SLITRK1: variants seen among roughly 807,000 people sequenced by gnomAD.
SLITRK1 encodes the protein SLIT and NTRK-like protein 1.
In SLITRK1, 10 loss-of-function variants were observed where a neutral mutation model predicts 42.4. The ratio of observed to expected loss-of-function variants is 0.24; its 90% CI spans 0.15 to 0.40. The LOEUF (loss-of-function observed/expected upper bound fraction) is 0.40, where lower values mean the gene tolerates loss of function less well. SLITRK1 is among the 10% of genes least tolerant of loss of function. SLITRK1 has a pLI of 1.00. For missense variants in SLITRK1, 778 were observed against 848.8 expected, an observed-to-expected ratio of 0.92 and a Z score of 1.04; for synonymous variants, 389 against 365.7, an observed-to-expected ratio of 1.06 and a Z score of -0.73.
chr13:83,879,773 G>C lies in SLITRK1; in HGVS notation c.1735C>G (p.Pro579Ala). ...FMLLSNDEICPQLYARISPTL... is the reference protein window; with the variant it reads ...FMLLSNDEICAQLYARISPTL... ...GGCGAGATCCTAGCGTACAGCTGAG[G>C]GCAGATCTCGTCATTGGAGAGGAGC... is the stretch of plus-strand genomic sequence containing the variant. The change falls in exon 2 of 2, where the codon CCT becomes GCT. Residue 579 changes from proline (P) to alanine (A), a missense_variant. Coordinates refer to ENST00000674365, the MANE Select transcript of SLITRK1 (RefSeq NM_001281503.2). 6.2e-7 allele frequency: 1 copy of C among 1,613,990 alleles called. No homozygotes were observed. The highest frequency in any genetic ancestry group is 1.1e-5 in the South Asian group (1 of 91,048).
rs745949755 is a variant in SLITRK1 at position 83,880,426 on chromosome 13, T to C, written c.1082A>G (p.Asn361Ser). Residue 361 changes from asparagine to serine, a missense_variant, in exon 2 of 2, where the codon AAC (asparagine) becomes AGC (serine). By Grantham distance (46) the Asn-to-Ser change is conservative. Around this residue, in one of 4 missense-constraint regions of SLITRK1, gnomAD observed 395 missense variants for 360.4 expected, o/e 1.10. Coordinates refer to ENST00000674365, the MANE Select transcript of SLITRK1 (RefSeq NM_001281503.2). Reference protein sequence around the residue: ...PGSGLKMNCNNRNVSSLADLK... With the variant: ...PGSGLKMNCNSRNVSSLADLK... ...ATCAGCCAAGCTGCTCACGTTCCTGTTGTTGCAGTTCATCTTTAAACCCGA... is the reference window on the plus strand; with the variant it reads ...ATCAGCCAAGCTGCTCACGTTCCTGCTGTTGCAGTTCATCTTTAAACCCGA... The C allele has an allele frequency of 1.2e-6, 2 of 1,613,946 alleles. No individual in the cohort carries two copies. Among genetic ancestry groups the C allele is most frequent in the South Asian group, 2.2e-5 (2 of 91,074 alleles).
rs965212796 is a variant in SLITRK1, at chr13:83,877,570, A to C, written c.*1847T>G. On this transcript the variant is annotated 3_prime_UTR_variant, in exon 2 of 2. Transcript: ENST00000674365. ...TCGAACAGTTGAAGCTGTTTTTGTT[A>C]ATTGCTGGGCCACAACCAGAAATCC... 1 of 152,102 alleles carries C rather than the reference A, an allele frequency of 6.6e-6. No homozygotes were observed. Among genetic ancestry groups the C allele is most frequent in the African/African-American group, 2.4e-5 (1 of 41,418 alleles). The allele number at this position is 152,102 out of a possible 1,614,324, so 9.4% of individuals were successfully genotyped here.
chr13:83,880,232 T>G lies in SLITRK1; in HGVS notation c.1276A>C (p.Arg426=), dbSNP rs200160380. The G allele has an allele frequency of 1.2e-6, 2 of 1,614,120 alleles. No homozygotes were observed. ...NNTFKNLLDL[R]WLYMDSNYLD... Reference sequence around the variant, plus strand: ...TAATTGCTATCCATGTATAGCCACCTGAGGTCCAAAAGGTTCTTGAAAGTG... The same window carrying G: ...TAATTGCTATCCATGTATAGCCACCGGAGGTCCAAAAGGTTCTTGAAAGTG... Residue 426 remains arginine (R), a synonymous_variant, in exon 2 of 2, where the codon AGG becomes CGG. Coordinates refer to ENST00000674365, the MANE Select transcript of SLITRK1 (RefSeq NM_001281503.2).
In SLITRK1 at chr13:83,880,921, T is replaced by G. The variant is rs780950990; in HGVS notation, c.587A>C (p.Glu196Ala). ...AATACCAGGGATTTGCTCCAAGACC[T>G]CCTCATAGGGCAGCGTTTTCAGCCT... is the stretch of plus-strand genomic sequence containing the variant. ...GNRLKTLPYE[E>A]VLEQIPGIAE... The change falls in exon 2 of 2, where the codon GAG becomes GCG. Residue 196 changes from glutamate (E) to alanine (A), a missense_variant. By Grantham distance (107) the Glu-to-Ala change is moderately radical (BLOSUM62 -1). Transcript: ENST00000674365. The G allele has an allele frequency of 1.2e-6, 2 of 1,613,988 alleles. No individual in the cohort carries two copies. The highest frequency in any genetic ancestry group is 1.7e-6 in the Non-Finnish European group (2 of 1,179,986).
chr13:83,879,853 A>G lies in SLITRK1; in HGVS notation c.1655T>C (p.Leu552Pro). Residue 552 changes from leucine to proline, a missense_variant, in exon 2 of 2, where the codon CTG (leucine) becomes CCG (proline). This residue lies in a region of SLITRK1 where 15 missense variants were observed against 35.0 expected (regional missense o/e 0.43). Coordinates refer to ENST00000674365, the MANE Select transcript of SLITRK1 (RefSeq NM_001281503.2). ...CGTCTCACACTTGAGGTCGCTCATC[A>G]GCACTTCGGAACCCAAGCGTTCTGC... Reference protein sequence around the residue: ...QWAERLGSEVLMSDLKCETPV... With the variant: ...QWAERLGSEVPMSDLKCETPV... 1.2e-6 allele frequency: 2 copies of G among 1,614,162 alleles called. No individual in the cohort carries two copies. The highest frequency in any genetic ancestry group is 8.5e-7 in the Non-Finnish European group (1 of 1,180,044).
rs571797997 is a variant in SLITRK1, at chr13:83,882,098, C to T, written c.-148G>A. 179 of 167,694 alleles carry T rather than the reference C, an allele frequency of 1.1e-3. No homozygotes were observed. Among genetic ancestry groups the T allele is most frequent in the Admixed American group, 5.4e-3 (82 of 15,278 alleles). The allele number at this position is 167,694 out of a possible 1,614,324, so 10.4% of individuals were successfully genotyped here. A position where few individuals can be genotyped will look rare whatever the true frequency, so the allele number is the denominator to read the frequency against. ...TGTGGTTGCGGGTTGCCCAGAAGTC[C>T]CCCCGAGGTGCTGTCCAGTTCCCCC... On this transcript the variant is annotated 5_prime_UTR_variant, in exon 1 of 2. Coordinates refer to ENST00000674365, the MANE Select transcript of SLITRK1 (RefSeq NM_001281503.2).
chr13:83,878,728 C>A lies in SLITRK1; in HGVS notation c.*689G>T, dbSNP rs191284403. 6.6e-6 allele frequency: 1 copy of A among 152,588 alleles called. No individual in the cohort carries two copies. Among genetic ancestry groups the A allele is most frequent in the Non-Finnish European group, 1.5e-5 (1 of 68,186 alleles). The allele number at this position is 152,588 out of a possible 1,614,324, so 9.5% of individuals were successfully genotyped here. On this transcript the variant is annotated 3_prime_UTR_variant, in exon 2 of 2. Transcript: ENST00000674365. ...TTAACTTATGCTCTGAACTGCCTACCGATCACAAATAATGGCGAAATGGCA... is the reference window on the plus strand; with the variant it reads ...TTAACTTATGCTCTGAACTGCCTACAGATCACAAATAATGGCGAAATGGCA...
rs1285874822 is a variant in SLITRK1 at position 83,880,296 on chromosome 13, C to T, written c.1212G>A (p.Leu404=). Reference sequence around the variant, plus strand: ...TAGCGATGTTATTGTTGCCCAGATCCAACAGAATGAGGTTCTTGTAATCCA... The same window carrying T: ...TAGCGATGTTATTGTTGCCCAGATCTAACAGAATGAGGTTCTTGTAATCCA... ...HFVDYKNLIL[L]DLGNNNIATV... is the part of the protein sequence containing the mutation. The change falls in exon 2 of 2, where the codon TTG becomes TTA. Residue 404 remains leucine, a synonymous_variant. Transcript: ENST00000674365. The T allele has an allele frequency of 6.2e-7, 1 of 1,613,910 alleles. No homozygotes were observed. Among genetic ancestry groups the T allele is most frequent in the Non-Finnish European group, 8.5e-7 (1 of 1,180,010 alleles).
rs1190246957 is a variant in SLITRK1 at position 83,880,163 on chromosome 13, G to C, written c.1345C>G (p.Leu449Val). ...TTGTACTCCACGTTCAGGTACTCTA[G>C]GTTTTGCAGCCCCGCGAATTTCTCC... is the stretch of plus-strand genomic sequence containing the variant. ...SREKFAGLQN[L>V]EYLNVEYNAI... Residue 449 changes from leucine to valine, a missense_variant, in exon 2 of 2, where the codon CTA (leucine) becomes GTA (valine). Leu to Val is a conservative substitution (Grantham distance 32, BLOSUM62 1). Transcript: ENST00000674365. The C allele has an allele frequency of 1.2e-6, 2 of 1,613,876 alleles. No homozygotes were observed. The highest frequency in any genetic ancestry group is 1.3e-5 in the African/African-American group (1 of 74,868).
Position 83,878,010 on chromosome 13 carries a change from G to C in SLITRK1, c.*1407C>G, listed in dbSNP as rs981959689. On this transcript the variant is annotated 3_prime_UTR_variant, in exon 2 of 2. Coordinates refer to ENST00000674365, the MANE Select transcript of SLITRK1 (RefSeq NM_001281503.2). ...TGAGTGTTGGGGCAAGACCTTTATG[G>C]ACTGGGGAAAGCCGGTAAAGTCTGA... 3 of 143,362 alleles carry C rather than the reference G, an allele frequency of 2.1e-5. No homozygotes were observed. In the South Asian group the frequency reaches 7.3e-4, roughly 35 times the overall value. 8.9% of individuals were successfully genotyped at this position (143,362 alleles called of 1,614,324 possible).
rs1167269111 is a variant in SLITRK1, at chr13:83,879,997, T to A, written c.1511A>T (p.Asn504Ile). Reference sequence around the variant, plus strand: ...TGCCACCGGGAGGTACATGAAGTAATTGTTGTGCAGGCTGAGTTTAGAGAG... The same window carrying A: ...TGCCACCGGGAGGTACATGAAGTAAATGTTGTGCAGGCTGAGTTTAGAGAG... Reference protein sequence around the residue: ...VSLSKLSLHNNYFMYLPVAGV... With the variant: ...VSLSKLSLHNIYFMYLPVAGV... The change falls in exon 2 of 2, where the codon AAT becomes ATT. Residue 504 changes from asparagine to isoleucine, a missense_variant. Asn to Ile is a moderately radical substitution (Grantham distance 149). Coordinates refer to ENST00000674365, the MANE Select transcript of SLITRK1 (RefSeq NM_001281503.2). 6.2e-7 allele frequency: 1 copy of A among 1,613,732 alleles called. No individual in the cohort carries two copies. The highest frequency in any genetic ancestry group is 1.3e-5 in the African/African-American group (1 of 74,808).
Position 83,881,232 on chromosome 13 carries a change from A to T in SLITRK1, c.276T>A (p.Asn92Lys), listed in dbSNP as rs756553371. The T allele has an allele frequency of 6.2e-7, 1 of 1,614,146 alleles. No homozygotes were observed. The change falls in exon 2 of 2, where the codon AAT becomes AAA. Residue 92 changes from asparagine to lysine, a missense_variant. Coordinates refer to ENST00000674365, the MANE Select transcript of SLITRK1 (RefSeq NM_001281503.2). ...CCCCCGGAACGATTTCATGCAAGCC[A>T]TTGTTTTCCATGTGCAAACTAACCG... ...YNAVSLHMENNGLHEIVPGAF... is the reference protein window; with the variant it reads ...YNAVSLHMENKGLHEIVPGAF...
chr13:83,880,407 C>T lies in SLITRK1; in HGVS notation c.1101G>A (p.Leu367=). ...MNCNNRNVSS[L]ADLKPKLSNV... ...TAGAGAGCTTGGGCTTCAAATCAGC[C>T]AAGCTGCTCACGTTCCTGTTGTTGC... The change falls in exon 2 of 2, where the codon TTG becomes TTA. Residue 367 remains leucine (L), a synonymous_variant. Coordinates refer to ENST00000674365, the MANE Select transcript of SLITRK1 (RefSeq NM_001281503.2). 2 of 1,613,902 alleles carry T rather than the reference C, an allele frequency of 1.2e-6. No homozygotes were observed. Among genetic ancestry groups the T allele is most frequent in the Non-Finnish European group, 1.7e-6 (2 of 1,180,016 alleles).
At position 83,880,329 on chromosome 13, in the gene SLITRK1, C is replaced by T; in HGVS notation, c.1179G>A (p.Ser393=). 6.2e-7 allele frequency: 1 copy of T among 1,613,864 alleles called. No individual in the cohort carries two copies. Among genetic ancestry groups the T allele is most frequent in the Non-Finnish European group, 8.5e-7 (1 of 1,180,002 alleles). ...RDNKIHSIRK[S]HFVDYKNLIL... is the part of the protein sequence containing the mutation. ...TGAGGTTCTTGTAATCCACAAAGTG[C>T]GATTTTCGGATGCTGTGGATCTTGT... The change falls in exon 2 of 2, where the codon TCG becomes TCA. Residue 393 remains serine, a synonymous_variant. Coordinates refer to ENST00000674365, the MANE Select transcript of SLITRK1 (RefSeq NM_001281503.2).
rs1884783976 is a variant in SLITRK1 at position 83,880,326 on chromosome 13, G to A, written c.1182C>T (p.His394=). The A allele has an allele frequency of 6.2e-7, 1 of 1,613,998 alleles. No homozygotes were observed. Among genetic ancestry groups the A allele is most frequent in the East Asian group, 2.2e-5 (1 of 44,860 alleles). The change falls in exon 2 of 2, where the codon CAC becomes CAT. Residue 394 remains histidine (H), a synonymous_variant. Coordinates refer to ENST00000674365, the MANE Select transcript of SLITRK1 (RefSeq NM_001281503.2). ...DNKIHSIRKS[H]FVDYKNLILL... The stretch of plus-strand genomic sequence containing the variant: ...GAATGAGGTTCTTGTAATCCACAAA[G>A]TGCGATTTTCGGATGCTGTGGATCT...
chr13:83,881,711 A>C, intron 1 of SLITRK1, 151 bp from the exon 2 acceptor site: 1 of 492,258 alleles, frequency 2.0e-6, no homozygotes, highest in Non-Finnish European at 3.7e-6. Context: ...CAATAATTAT[A>C]TCCACAAACT....
Position 83,879,959 on chromosome 13 carries a change from G to T in SLITRK1, c.1549C>A (p.Gln517Lys), listed in dbSNP as rs774671182. 1.2e-6 allele frequency: 2 copies of T among 1,614,060 alleles called. No individual in the cohort carries two copies. The highest frequency in any genetic ancestry group is 1.1e-5 in the South Asian group (1 of 91,076). The change falls in exon 2 of 2, where the codon CAG (glutamine) becomes AAG (lysine). Residue 517 changes from glutamine (Q) to lysine (K), a missense_variant. By Grantham distance (53) the Gln-to-Lys change is moderately conservative. Transcript: ENST00000674365. ...TCTATCTGGATGATGGAGGTTAACT[G>T]GTCCAGCACCCCTGCCACCGGGAGG... is the stretch of plus-strand genomic sequence containing the variant. ...MYLPVAGVLD[Q>K]LTSIIQIDLH...
Position 83,878,767 on chromosome 13 carries a change from C to G in SLITRK1, c.*650G>C, listed in dbSNP as rs1376762034. The G allele has an allele frequency of 6.5e-6, 1 of 153,012 alleles. No individual in the cohort carries two copies. Among genetic ancestry groups the G allele is most frequent in the Non-Finnish European group, 1.5e-5 (1 of 68,478 alleles). 9.5% of individuals were successfully genotyped at this position (153,012 alleles called of 1,614,324 possible). ...GGCGAAATGGCACTTTCTGATTATA[C>G]TGTATTTTGTTTATAGAAAGTTTGA... is the stretch of plus-strand genomic sequence containing the variant. On this transcript the variant is annotated 3_prime_UTR_variant, in exon 2 of 2. Transcript: ENST00000674365.
Position 83,879,274 on chromosome 13 carries a change from G to T in SLITRK1, c.*143C>A. ...AGGGGTCAGGCCCTTTCGGTTGTGCGAGCTCACAGTTATTTATCTACTTAT... is the reference window on the plus strand; with the variant it reads ...AGGGGTCAGGCCCTTTCGGTTGTGCTAGCTCACAGTTATTTATCTACTTAT... On this transcript the variant is annotated 3_prime_UTR_variant, in exon 2 of 2. Coordinates refer to ENST00000674365, the MANE Select transcript of SLITRK1 (RefSeq NM_001281503.2). 1.0e-6 allele frequency: 1 copy of T among 1,000,930 alleles called. No individual in the cohort carries two copies. Among genetic ancestry groups the T allele is most frequent in the Non-Finnish European group, 1.5e-6 (1 of 666,432 alleles). The allele number at this position is 1,000,930 out of a possible 1,614,324, so 62.0% of individuals were successfully genotyped here. A position where few individuals can be genotyped will look rare whatever the true frequency, so the allele number is the denominator to read the frequency against.
Sources: gnomAD v4.1 joint callset for allele counts on GRCh38, gnomAD v4.1.1 for gene constraint, gnomAD v4.1.1 regional missense constraint, MANE v1.5 for transcripts, NCBI Gene and HGNC (gene_info 2026-07-23, HGNC 2026-07-21) for gene names.